Variants in VSTM5 observed in about 807,000 individuals in gnomAD.
VSTM5 encodes the protein V-set and transmembrane domain containing 5.
Under a neutral mutation model 20.3 loss-of-function variants are expected in VSTM5, and 21 were observed. That is an observed-to-expected ratio of 1.03 (90% confidence interval 0.73 to 1.49). The LOEUF (loss-of-function observed/expected upper bound fraction) is 1.49, where lower values mean the gene tolerates loss of function less well. Among genes scored for constraint, VSTM5 ranks in the 40% most tolerant of loss-of-function variants. The probability of loss-of-function intolerance (pLI) is 0.00; values close to 1 mark genes in which losing one functional copy is unlikely to be tolerated. For synonymous variants in VSTM5, 100 were observed against 102.5 expected (o/e 0.98, Z 0.14); for missense variants, 219 against 250.0 (o/e 0.88, Z 0.84).
In VSTM5 at chr11:93,850,418, G is replaced by T. The variant is rs779564322; in HGVS notation, c.85C>A (p.Leu29Met). ...FALCLAAARC[L>M]QSQGVSLYIP... ...GGCGTCCCCCGGAGCTTACTCTGCA[G>T]ACAGCGGGCTGCGGCCAGGCAGAGG... The change falls in exon 1 of 4, where the codon CTG becomes ATG. Residue 29 changes from leucine (L) to methionine (M), a missense_variant. Physicochemically the swap from Leu to Met is conservative, Grantham distance 15. Transcript: ENST00000409977. The T allele has an allele frequency of 1.9e-6, 3 of 1,548,794 alleles. No individual in the cohort carries two copies. The highest frequency in any genetic ancestry group is 1.4e-5 in the African/African-American group (1 of 72,922).
intron 1 of VSTM5, among the ~76,000 whole-genome samples, chr11:93,831,518 G>A (rs1223735201): frequency 6.6e-6 from 1 of 152,210 alleles, no homozygotes; most frequent in Non-Finnish European, 1.5e-5. Context: ...TACCTCCTGT[G>A]AGCTCAGGTG....
chr11:93,826,621 G>A (rs890130013), intron 1 of VSTM5, among the ~76,000 whole-genome samples: 5 of 151,788 alleles, frequency 3.3e-5, no homozygotes, highest in Non-Finnish European at 5.9e-5. Context: ...GGATGGTCTC[G>A]ATCTCCTGAC....
chr11:93,845,466 C>A (rs760932313), intron 1 of VSTM5, among the ~76,000 whole-genome samples: 1 of 152,198 alleles, frequency 6.6e-6, no homozygotes, highest in African/African-American at 2.4e-5. Flanking sequence ...CTTTTACTGT[C>A]CAGTGTGTCA....
chr11:93,822,603 T>C (rs2135729530), intron 1 of VSTM5, among the ~76,000 whole-genome samples: 1 of 152,190 alleles, frequency 6.6e-6, no homozygotes, highest in Non-Finnish European at 1.5e-5. Flanking sequence ...GTGTCTCAGC[T>C]ATCTGAGCTG....
Position 93,826,290 on chromosome 11 carries a change from C to G in VSTM5, c.92-4967G>C, listed in dbSNP as rs1037434762. On this transcript the variant is annotated intron_variant, in intron 1 of 3. Transcript: ENST00000409977. ...TTCAAAAATAAATAAAATTGACAAA[C>G]CTTTAGTTTTCTGACCTGATCTTTA... 8.6e-4 allele frequency among the ~76,000 whole-genome samples: 130 copies of G among 151,934 alleles called. 3 individuals are homozygous for G. Among genetic ancestry groups the G allele is most frequent in the Non-Finnish European group, 2.1e-4 (14 of 67,990 alleles).
At chr11:93,820,709 C>T in intron 3 of VSTM5, 34 bp downstream of exon 3, 1 of 1,551,566 alleles carries the variant, frequency 6.4e-7, no homozygotes, top group Non-Finnish European at 8.7e-7. Flanking sequence ...GCCTCAAAAC[C>T]ACTCATGGAT....
rs568688167 is a variant in VSTM5 at position 93,842,928 on chromosome 11, CAAA to C, written c.91+7481_91+7483del. Among the ~76,000 whole-genome samples, 270 of 151,996 alleles carry C rather than the reference CAAA, an allele frequency of 1.8e-3. 1 individual carries two copies. Among genetic ancestry groups the C allele is most frequent in the African/African-American group, 6.0e-3 (247 of 41,470 alleles). On this transcript the variant is annotated intron_variant, in intron 1 of 3. Transcript: ENST00000409977. ...ACCAGCCTGGCCAACATGGTGAAAC[CAAA>C]AATACAAAAATTAGCTGGGTGTGGT... is the stretch of plus-strand genomic sequence containing the variant.
intron 1 of VSTM5, among the ~76,000 whole-genome samples, chr11:93,826,665 C>G (rs183323677): frequency 3.0e-4 from 46 of 152,280 alleles, no homozygotes; most frequent in Middle Eastern, 3.4e-3. Flanking sequence ...TCCCAAAGCG[C>G]TGGGATTACA....
chr11:93,824,749 T>A (rs767387489), intron 1 of VSTM5, among the ~76,000 whole-genome samples: 54 of 152,198 alleles, frequency 3.5e-4, no homozygotes, highest in Non-Finnish European at 6.9e-4. Flanking sequence ...CCAAGACCAA[T>A]GTCAAGAAGT....
chr11:93,840,722 T>G (rs1268654200), intron 1 of VSTM5, among the ~76,000 whole-genome samples: 1 of 152,066 alleles, frequency 6.6e-6, no homozygotes, highest in East Asian at 1.9e-4. Flanking sequence ...TCCATTAGAA[T>G]CACCTGGAGG....
At chr11:93,844,443 C>T (rs1372336949) in intron 1 of VSTM5, among the ~76,000 whole-genome samples, 1 of 152,114 alleles carries the variant, frequency 6.6e-6, no homozygotes, top group African/African-American at 2.4e-5. Context: ...ATATAGGGGC[C>T]TACTGGAGGA....
intron 1 of VSTM5, among the ~76,000 whole-genome samples, chr11:93,840,273 G>A (rs548224162): frequency 5.3e-5 from 8 of 152,226 alleles, no homozygotes; most frequent in Non-Finnish European, 1.2e-4. Flanking sequence ...TTGTGCATTA[G>A]ATCATCTGGG....
intron 1 of VSTM5, among the ~76,000 whole-genome samples, chr11:93,824,766 C>T (rs931388022): frequency 6.6e-6 from 1 of 152,090 alleles, no homozygotes; most frequent in African/African-American, 2.4e-5. Flanking sequence ...AAGTTTTTCC[C>T]CTATTTTCCC....
chr11:93,850,597 C>A lies in VSTM5; in HGVS notation c.-95G>T. On this transcript the variant is annotated 5_prime_UTR_variant, in exon 1 of 4. Coordinates refer to ENST00000409977, the MANE Select transcript of VSTM5 (RefSeq NM_001144871.2). ...TCTCTCTTCCTCCGCCTCTGGCTGC[C>A]GCAGGTTCTTTAGGGCCAGATGCAG... is the stretch of plus-strand genomic sequence containing the variant. 1 of 679,758 alleles carries A rather than the reference C, an allele frequency of 1.5e-6. No individual in the cohort carries two copies. The highest frequency in any genetic ancestry group is 4.6e-5 in the Admixed American group (1 of 21,754). The allele number at this position is 679,758 out of a possible 1,614,324, so 42.1% of individuals were successfully genotyped here. A position where few individuals can be genotyped will look rare whatever the true frequency, so the allele number is the denominator to read the frequency against.
At chr11:93,833,823 G>C (rs558069765) in intron 1 of VSTM5, among the ~76,000 whole-genome samples, 1 of 151,886 alleles carries the variant, frequency 6.6e-6, no homozygotes, top group Non-Finnish European at 1.5e-5. Context: ...GCATACCCGT[G>C]GACAGCCCAT....
At chr11:93,831,580 C>T (rs1434697095) in intron 1 of VSTM5, among the ~76,000 whole-genome samples, 1 of 152,196 alleles carries the variant, frequency 6.6e-6, no homozygotes, top group Non-Finnish European at 1.5e-5. Context: ...CTCAGCTCAT[C>T]TTGGAGAGGG....
At chr11:93,839,073 A>G (rs1033636707) in intron 1 of VSTM5, among the ~76,000 whole-genome samples, 5 of 152,228 alleles carry the variant, frequency 3.3e-5, no homozygotes, top group Non-Finnish European at 7.3e-5. Context: ...CCCCTGCAGA[A>G]AGGGCCTTGA....
chr11:93,831,968 C>G (rs1386506337), intron 1 of VSTM5, among the ~76,000 whole-genome samples: 2 of 152,148 alleles, frequency 1.3e-5, no homozygotes, highest in African/African-American at 4.8e-5. Context: ...TGGGTGGAAC[C>G]TGCTTGGATG....
intron 1 of VSTM5, among the ~76,000 whole-genome samples, chr11:93,831,978 G>A (rs1025698642): frequency 2.6e-5 from 4 of 152,146 alleles, no homozygotes; most frequent in African/African-American, 9.7e-5. Context: ...CTGCTTGGAT[G>A]GCATATGATG....
Sources: allele counts gnomAD v4.1 joint callset (sites outside exome capture counted in the v4.1 genomes callset), GRCh38; gene constraint gnomAD v4.1.1; transcripts MANE v1.5; gene names NCBI Gene and HGNC (gene_info 2026-07-23, HGNC 2026-07-21).